Variants in SEMA5A observed in about 807,000 individuals in gnomAD.
The protein encoded by SEMA5A is semaphorin-5A.
SEMA5A carries 55 observed loss-of-function variants against 135.5 expected under a neutral mutation model. The ratio of observed to expected loss-of-function variants is 0.41; its 90% CI spans 0.33 to 0.51. The LOEUF (loss-of-function observed/expected upper bound fraction) is 0.51. Ranked by LOEUF, SEMA5A falls within the 20% of genes least tolerant of loss-of-function variation. The pLI is 0.37. For missense variants in SEMA5A, 1,290 were observed against 1,419.9 expected (o/e 0.91, Z 1.47); for synonymous variants, 580 against 546.5 (o/e 1.06, Z -0.85).
At chr5:9,300,205 T>G (rs1224376676) in intron 5 of SEMA5A, among the ~76,000 whole-genome samples, 1 of 152,126 alleles carries the variant, frequency 6.6e-6, no homozygotes, top group Non-Finnish European at 1.5e-5. Flanking sequence ...TTTTTGTAAT[T>G]TTTGTAGAGA....
At chr5:9,274,009 T>C (rs1294146827) in intron 5 of SEMA5A, among the ~76,000 whole-genome samples, 2 of 152,092 alleles carry the variant, frequency 1.3e-5, no homozygotes, top group African/African-American at 2.4e-5. Flanking sequence ...TAAATGTAAA[T>C]GGGTTAAATG....
chr5:9,420,159 G>A (rs1166073837), intron 2 of SEMA5A, among the ~76,000 whole-genome samples: 1 of 151,968 alleles, frequency 6.6e-6, no homozygotes, highest in Non-Finnish European at 1.5e-5. Context: ...TTCAAAAAAT[G>A]TACCACAGAG....
intron 5 of SEMA5A, among the ~76,000 whole-genome samples, chr5:9,305,412 A>G (rs1751811199): frequency 6.6e-6 from 1 of 151,890 alleles, no homozygotes; most frequent in Non-Finnish European, 1.5e-5. Flanking sequence ...CTGTCTTCCA[A>G]GTTTCTTATT....
chr5:9,174,710 C>T (rs1224061061), intron 11 of SEMA5A, among the ~76,000 whole-genome samples: 2 of 152,156 alleles, frequency 1.3e-5, no homozygotes, highest in Non-Finnish European at 2.9e-5. Context: ...ATAAAAACAT[C>T]AGATACTCAA....
intron 2 of SEMA5A, among the ~76,000 whole-genome samples, chr5:9,427,168 A>C (rs1208668672): frequency 2.6e-5 from 4 of 152,106 alleles, no homozygotes; most frequent in Admixed American, 2.0e-4. Context: ...AACATTAGCC[A>C]GGCATGGTGG....
At chr5:9,090,253 T>C (rs370354090) in intron 16 of SEMA5A, among the ~76,000 whole-genome samples, 22 of 152,178 alleles carry the variant, frequency 1.4e-4, no homozygotes, top group East Asian at 9.6e-4. Flanking sequence ...TAGCAATGCC[T>C]CTGGATGCCA....
chr5:9,119,094 G>T lies in SEMA5A; in HGVS notation c.1829C>A (p.Thr610Asn). The T allele has an allele frequency of 2.5e-6, 4 of 1,613,944 alleles. No homozygotes were observed. The highest frequency in any genetic ancestry group is 3.4e-6 in the Non-Finnish European group (4 of 1,179,980). ...PWTSWSPCST[T>N]CGIGFQVRQR... ...CCGCACCTGGAAGCCGATCCCACAG[G>T]TAGTGCTGCAGGGAGACCACGAGGT... is the stretch of plus-strand genomic sequence containing the variant. The change falls in exon 15 of 23, where the codon ACC becomes AAC. Residue 610 changes from threonine (T) to asparagine (N), a missense_variant. Physicochemically the swap from Thr to Asn is moderately conservative, Grantham distance 65 (BLOSUM62 0). This residue lies in a region of SEMA5A where 1,029 missense variants were observed against 1,086.6 expected (regional missense o/e 0.95). Transcript: ENST00000382496.
intron 2 of SEMA5A, among the ~76,000 whole-genome samples, chr5:9,382,368 G>T (rs1369062600): frequency 6.6e-6 from 1 of 152,072 alleles, no homozygotes; most frequent in East Asian, 1.9e-4. Context: ...AGAGAAAACT[G>T]AGGGGAAAAG....
intron 16 of SEMA5A, among the ~76,000 whole-genome samples, chr5:9,087,669 A>G (rs899487970): frequency 6.6e-6 from 1 of 152,124 alleles, no homozygotes; most frequent in African/African-American, 2.4e-5. Context: ...ATATTATAAT[A>G]TCATAACTTA....
At chr5:9,290,966 T>G (rs977502076) in intron 5 of SEMA5A, among the ~76,000 whole-genome samples, 5 of 152,212 alleles carry the variant, frequency 3.3e-5, no homozygotes, top group Non-Finnish European at 5.9e-5. Context: ...GAAACTCACT[T>G]TGGCATGTGT....
chr5:9,112,124 C>T (rs1231101632), intron 15 of SEMA5A, among the ~76,000 whole-genome samples: 1 of 152,172 alleles, frequency 6.6e-6, no homozygotes, highest in East Asian at 1.9e-4. Flanking sequence ...ACAGATGTAC[C>T]TCATGATGTG....
intron 1 of SEMA5A, among the ~76,000 whole-genome samples, chr5:9,454,243 T>C (rs559029403): frequency 1.3e-5 from 2 of 152,354 alleles, no homozygotes; most frequent in East Asian, 1.9e-4. Context: ...TGGGACTCTT[T>C]ACTGCTCTCA....
intron 3 of SEMA5A, 32 bp from the exon 4 acceptor site, chr5:9,337,844 A>C (rs202004917): frequency 2.1e-6 from 3 of 1,453,900 alleles, no homozygotes; most frequent in South Asian, 1.2e-5. Flanking sequence ...ATAAAAAGAT[A>C]AAAATGAATT....
chr5:9,143,603 A>G (rs548465195), intron 12 of SEMA5A, among the ~76,000 whole-genome samples: 4 of 152,244 alleles, frequency 2.6e-5, no homozygotes, highest in African/African-American at 9.6e-5. Context: ...ATTGATACAC[A>G]TTTTACAGTA....
intron 1 of SEMA5A, among the ~76,000 whole-genome samples, chr5:9,461,436 A>G (rs1243600028): frequency 6.6e-6 from 1 of 152,238 alleles, no homozygotes; most frequent in African/African-American, 2.4e-5. Context: ...CCCTGTTATT[A>G]CTAATGGCCC....
At chr5:9,356,781 TGTGTTATGAGCAAAATTACAA>T (rs1754467802) in intron 3 of SEMA5A, among the ~76,000 whole-genome samples, 1 of 152,214 alleles carries the variant, frequency 6.6e-6, no homozygotes, top group African/African-American at 2.4e-5. Flanking sequence ...CAAGCAGCTC[TGTGTTATGAGCAAAATTACAA>T]GTGACCCATC....
At chr5:9,325,097 C>T (rs1236369633) in intron 4 of SEMA5A, among the ~76,000 whole-genome samples, 1 of 152,196 alleles carries the variant, frequency 6.6e-6, no homozygotes, top group Non-Finnish European at 1.5e-5. Context: ...AGTTGTATAG[C>T]TTGGAGGAAT....
chr5:9,542,906 A>T (rs186864019), intron 1 of SEMA5A, among the ~76,000 whole-genome samples: 2 of 152,202 alleles, frequency 1.3e-5, no homozygotes, highest in Non-Finnish European at 2.9e-5. Flanking sequence ...ACATAATGCA[A>T]TGCCTTTATA....
chr5:9,202,723 T>C (rs1745785539), intron 8 of SEMA5A, among the ~76,000 whole-genome samples: 1 of 152,192 alleles, frequency 6.6e-6, no homozygotes, highest in Admixed American at 6.5e-5. Flanking sequence ...TTCGACATAA[T>C]GTATGTGCTT....
Sources: gnomAD v4.1 joint callset for allele counts (sites outside exome capture counted in the v4.1 genomes callset) on GRCh38, gnomAD v4.1.1 for gene constraint, gnomAD v4.1.1 regional missense constraint, MANE v1.5 for transcripts, NCBI Gene and HGNC (gene_info 2026-07-23, HGNC 2026-07-21) for gene names.